TENM4: variants seen among roughly 807,000 people sequenced by gnomAD.
TENM4 encodes teneurin-4.
In TENM4, 82 loss-of-function variants were observed where a neutral mutation model predicts 243.3. The observed-to-expected ratio is 0.34, with a 90% CI of 0.28 to 0.40. The LOEUF (loss-of-function observed/expected upper bound fraction) is 0.40, where lower values mean the gene tolerates loss of function less well. TENM4 is among the 10% of genes least tolerant of loss of function. TENM4 has a pLI of 1.00. For synonymous variants in TENM4, 1,412 were observed against 1,456.3 expected, an observed-to-expected ratio of 0.97 and a Z score of 0.69; for missense variants, 3,138 against 3,673.3, an observed-to-expected ratio of 0.85 and a Z score of 3.77.
In TENM4 at chr11:79,148,813, A is replaced by G. The variant is rs777033429; in HGVS notation, c.-162-7T>C. 3.2e-5 allele frequency: 31 copies of G among 957,326 alleles called. 2 individuals carry two copies. The highest frequency in any genetic ancestry group is 3.5e-5 in the Non-Finnish European group (28 of 804,458). The allele number at this position is 957,326 out of a possible 1,614,324, so 59.3% of individuals were successfully genotyped here. ...CATGGTAATTTCAGTCTACCTGTTG[A>G]AAGAGACAAGAGACAAATCAGTCAT... On this transcript the variant is annotated splice_region_variant and splice_polypyrimidine_tract_variant and intron_variant, in intron 3 of 33. Coordinates refer to ENST00000278550, the MANE Select transcript of TENM4 (RefSeq NM_001098816.3).
chr11:78,911,957 C>T (rs1373726462), intron 6 of TENM4, among the ~76,000 whole-genome samples: 1 of 152,212 alleles, frequency 6.6e-6, no homozygotes, highest in East Asian at 1.9e-4. Context: ...CAACAATTTA[C>T]ACATAGAGTG....
chr11:79,419,043 G>A (rs941217779), intron 1 of TENM4, among the ~76,000 whole-genome samples: 4 of 151,966 alleles, frequency 2.6e-5, no homozygotes, highest in African/African-American at 9.7e-5. Flanking sequence ...TATATTCCAG[G>A]TCACATCTAG....
intron 6 of TENM4, among the ~76,000 whole-genome samples, chr11:78,975,093 A>G (rs1857621749): frequency 6.8e-6 from 1 of 147,702 alleles, no homozygotes; most frequent in Non-Finnish European, 1.5e-5. Flanking sequence ...CTTGCCCTGG[A>G]GAGGCATGCA....
At chr11:79,364,187 A>G (rs967113305) in intron 1 of TENM4, among the ~76,000 whole-genome samples, 2 of 152,200 alleles carry the variant, frequency 1.3e-5, no homozygotes, top group East Asian at 3.9e-4. Flanking sequence ...CATGGAAACT[A>G]TTCATTAAAC....
At chr11:78,845,166 T>C (rs1192959916) in intron 12 of TENM4, among the ~76,000 whole-genome samples, 1 of 152,216 alleles carries the variant, frequency 6.6e-6, no homozygotes, top group Non-Finnish European at 1.5e-5. Flanking sequence ...AAAGGGTTGG[T>C]TCTCCCGATT....
intron 19 of TENM4, among the ~76,000 whole-genome samples, chr11:78,747,038 G>A (rs115135200): frequency 0.012 from 1,862 of 152,260 alleles, 45 homozygotes; most frequent in African/African-American, 0.043. Flanking sequence ...AGGCAGAAAC[G>A]CAGCTAAGGG....
intron 4 of TENM4, among the ~76,000 whole-genome samples, chr11:79,106,970 T>G (rs1373846101): frequency 1.3e-5 from 2 of 152,190 alleles, no homozygotes; most frequent in Admixed American, 1.3e-4. Context: ...ATCAAATAAG[T>G]ATGCAGCACT....
intron 6 of TENM4, among the ~76,000 whole-genome samples, chr11:78,987,535 T>A (rs779048284): frequency 1.3e-5 from 2 of 152,224 alleles, no homozygotes; most frequent in Non-Finnish European, 2.9e-5. Flanking sequence ...GCTAAAAATG[T>A]TTTATATCTT....
rs745589941 is a variant in TENM4 at position 78,786,938 on chromosome 11, G to A, written c.2325C>T (p.Cys775=). 145 of 1,607,782 alleles carry A rather than the reference G, an allele frequency of 9.0e-5. No homozygotes were observed. Among genetic ancestry groups the A allele is most frequent in the Admixed American group, 1.3e-4 (8 of 59,514 alleles). Residue 775 remains cysteine, a synonymous_variant, in exon 16 of 34, where the codon TGC becomes TGT. Coordinates refer to ENST00000278550, the MANE Select transcript of TENM4 (RefSeq NM_001098816.3). ...AEHGTCRDGK[C]ECSPGWNGEH... ...CGCCATTCCAGCCAGGGCTGCACTC[G>A]CACTTGCCGTCGCGGCAGGTCCCAT...
chr11:79,027,721 G>A (rs777826809), intron 6 of TENM4, among the ~76,000 whole-genome samples: 2 of 152,150 alleles, frequency 1.3e-5, no homozygotes, highest in African/African-American at 2.4e-5. Context: ...CCAGCTTAGG[G>A]CTTTCCATAG....
intron 25 of TENM4, among the ~76,000 whole-genome samples, chr11:78,713,250 TTCAGTGGATAC>T (rs1371308946): frequency 6.6e-6 from 1 of 152,184 alleles, no homozygotes; most frequent in African/African-American, 2.4e-5. Context: ...CAACACCGTC[TTCAGTGGATAC>T]TCATGTTACA....
rs905818298 is a variant in TENM4 at position 79,389,000 on chromosome 11, T to A, written c.-321+51509A>T. Among the ~76,000 whole-genome samples, 4 of 152,118 alleles carry A rather than the reference T, an allele frequency of 2.6e-5. No individual in the cohort carries two copies. In the East Asian group the frequency reaches 7.7e-4, roughly 29 times the overall value. On this transcript the variant is annotated intron_variant, in intron 1 of 33. Transcript: ENST00000278550. The stretch of plus-strand genomic sequence containing the variant: ...ACACAAGAAGAGCCAGGAAAAGAGG[T>A]TGGAGAGGTTGGCAGCACCAGATCA...
Position 79,087,799 on chromosome 11 carries a change from GC to G in TENM4, c.-65-17791del, listed in dbSNP as rs1860844749. 5.9e-5 allele frequency among the ~76,000 whole-genome samples: 9 copies of G among 152,352 alleles called. 3 individuals carry two copies. Among genetic ancestry groups the G allele is most frequent in the Admixed American group, 5.9e-4 (9 of 15,306 alleles). On this transcript the variant is annotated intron_variant, in intron 4 of 33. Transcript: ENST00000278550. ...GGGGCCCCTGACTCTAGCTGAGGAGGCCCTGTTTGCCTTCCTAGCAGTCACC... is the reference window on the plus strand; with the variant it reads ...GGGGCCCCTGACTCTAGCTGAGGAGGCCTGTTTGCCTTCCTAGCAGTCACC...
At chr11:79,327,274 G>T (rs1246474833) in intron 1 of TENM4, among the ~76,000 whole-genome samples, 1 of 152,086 alleles carries the variant, frequency 6.6e-6, no homozygotes, top group African/African-American at 2.4e-5. Context: ...AGTGGCCCCG[G>T]GTTTCATCAC....
intron 6 of TENM4, among the ~76,000 whole-genome samples, chr11:78,970,068 G>T (rs1857509718): frequency 6.6e-6 from 1 of 152,206 alleles, no homozygotes; most frequent in Non-Finnish European, 1.5e-5. Flanking sequence ...ATTATACTCA[G>T]TTCTGAGCAG....
chr11:78,692,309 G>T (rs1310797818), intron 28 of TENM4, among the ~76,000 whole-genome samples: 1 of 152,182 alleles, frequency 6.6e-6, no homozygotes, highest in African/African-American at 2.4e-5. Context: ...TGCCAGTAAT[G>T]TGATCTAGAG....
intron 4 of TENM4, among the ~76,000 whole-genome samples, chr11:79,111,502 G>A (rs1039444385): frequency 3.9e-5 from 6 of 152,132 alleles, no homozygotes; most frequent in Non-Finnish European, 8.8e-5. Flanking sequence ...CCGAGATGGC[G>A]CTGCTGCACT....
chr11:79,433,320 C>G (rs1590963440), intron 1 of TENM4, among the ~76,000 whole-genome samples: 1 of 152,092 alleles, frequency 6.6e-6, no homozygotes, highest in African/African-American at 2.4e-5. Flanking sequence ...TTAACAAGAT[C>G]CCAGAACTAG....
At chr11:78,815,075 C>T (rs1176084374) in intron 12 of TENM4, among the ~76,000 whole-genome samples, 3 of 152,210 alleles carry the variant, frequency 2.0e-5, no homozygotes, top group East Asian at 1.9e-4. Context: ...AATCCAAGTC[C>T]TTTCCAGAGA....
Sources: gnomAD v4.1 joint callset for allele counts (sites outside exome capture counted in the v4.1 genomes callset) on GRCh38, gnomAD v4.1.1 for gene constraint, MANE v1.5 for transcripts, NCBI Gene and HGNC (gene_info 2026-07-23, HGNC 2026-07-21) for gene names.